Variants in ELOVL6 observed in about 807,000 individuals in gnomAD.
ELOVL6 encodes ELOVL fatty acid elongase 6.
Under a neutral mutation model 31.7 loss-of-function variants are expected in ELOVL6, and 8 were observed. That is an observed-to-expected ratio of 0.25 (90% CI 0.15 to 0.45). The LOEUF (loss-of-function observed/expected upper bound fraction) is 0.45, where lower values mean the gene tolerates loss of function less well. Ranked by LOEUF, ELOVL6 falls within the 20% of genes least tolerant of loss-of-function variation. The pLI, the probability that ELOVL6 is intolerant of heterozygous loss-of-function variation, is 1.00. For missense variants in ELOVL6, 126 were observed against 326.4 expected (o/e 0.39, Z 4.73); for synonymous variants, 101 against 117.7 (o/e 0.86, Z 0.92).
At chr4:110,112,366 G>A (rs1260259764) in intron 1 of ELOVL6, among the ~76,000 whole-genome samples, 2 of 152,170 alleles carry the variant, frequency 1.3e-5, no homozygotes, top group African/African-American at 4.8e-5. Context: ...AAACCGCTAG[G>A]CTAATCACAG....
In ELOVL6 at chr4:110,198,342, T is replaced by C; in HGVS notation, c.-7A>G. 2 of 1,566,046 alleles carry C rather than the reference T, an allele frequency of 1.3e-6. No individual in the cohort carries two copies. Among genetic ancestry groups the C allele is most frequent in the Non-Finnish European group, 1.8e-6 (2 of 1,137,398 alleles). On this transcript the variant is annotated 5_prime_UTR_variant, in exon 1 of 4. Transcript: ENST00000302274. Reference sequence around the variant, plus strand: ...TCAACACTGACATGTTCATTGGGGCTGATCTTCGGAGTCGCTACGTGTTCT... The same window carrying C: ...TCAACACTGACATGTTCATTGGGGCCGATCTTCGGAGTCGCTACGTGTTCT...
intron 1 of ELOVL6, among the ~76,000 whole-genome samples, chr4:110,112,597 G>A (rs907691009): frequency 6.6e-6 from 1 of 152,184 alleles, no homozygotes; most frequent in African/African-American, 2.4e-5. Context: ...TCCGGGCTGA[G>A]TGTGGTGGCT....
intron 1 of ELOVL6, among the ~76,000 whole-genome samples, chr4:110,162,241 C>A (rs1476982533): frequency 2.6e-5 from 4 of 152,092 alleles, no homozygotes; most frequent in African/African-American, 7.2e-5. Flanking sequence ...AACAGACAAC[C>A]AAAATTTTTT....
intron 2 of ELOVL6, among the ~76,000 whole-genome samples, chr4:110,067,626 A>G (rs548239471): frequency 1.3e-4 from 20 of 152,328 alleles, no homozygotes; most frequent in African/African-American, 4.8e-4. Context: ...TACAATGAAC[A>G]CAATACAGCC....
Position 110,093,234 on chromosome 4 carries a change from T to G in ELOVL6, c.221+12263A>C, listed in dbSNP as rs188176582. On this transcript the variant is annotated intron_variant, in intron 2 of 3. Coordinates refer to ENST00000302274, the MANE Select transcript of ELOVL6 (RefSeq NM_024090.3). ...AAATTATGATAAAAGAATCTCAAGT[T>G]TAACATTAAATTATGAGGCACCAAA... 70 of 302,584 alleles carry G rather than the reference T, an allele frequency of 2.3e-4. 1 individual carries two copies. The East Asian group carries it at 5.7e-3, about 25-fold the overall frequency. The allele number at this position is 302,584 out of a possible 1,614,324, so 18.7% of individuals were successfully genotyped here. A position where few individuals can be genotyped will look rare whatever the true frequency, so the allele number is the denominator to read the frequency against.
chr4:110,186,969 AATTC>A (rs1156757742), intron 1 of ELOVL6, among the ~76,000 whole-genome samples: 2 of 149,232 alleles, frequency 1.3e-5, no homozygotes, highest in East Asian at 1.9e-4. Flanking sequence ...CGTGATTTCA[AATTC>A]ATTATGTATT....
At chr4:110,186,819 A>G (rs1578288930) in intron 1 of ELOVL6, among the ~76,000 whole-genome samples, 1 of 106,836 alleles carries the variant, frequency 9.4e-6, no homozygotes, top group African/African-American at 3.5e-5. Flanking sequence ...AAAAAAAAAA[A>G]AAAATATATA....
intron 2 of ELOVL6, among the ~76,000 whole-genome samples, chr4:110,064,271 T>C (rs183442445): frequency 6.6e-6 from 1 of 152,182 alleles, no homozygotes. Flanking sequence ...CCTGATTAGC[T>C]AAGGTGCTTT....
intron 2 of ELOVL6, among the ~76,000 whole-genome samples, chr4:110,084,551 C>CAGATATATATTTATATATATAT (rs1163599448): frequency 3.1e-4 from 20 of 64,696 alleles, no homozygotes; most frequent in East Asian, 1.1e-3. Context: ...CACACACACA[C>CAGATATATATTTATATATATAT]ACACACACAC....
intron 2 of ELOVL6, among the ~76,000 whole-genome samples, chr4:110,076,723 T>A (rs777543115): frequency 1.3e-4 from 19 of 151,522 alleles, no homozygotes; most frequent in Admixed American, 3.3e-4. Flanking sequence ...CACTGGGGAG[T>A]GTTGGAAAGT....
intron 2 of ELOVL6, among the ~76,000 whole-genome samples, chr4:110,094,445 T>TATATATAAAAA (rs1560820753): frequency 1.7e-4 from 8 of 47,408 alleles, no homozygotes; most frequent in African/African-American, 2.8e-4. Flanking sequence ...ATATATATAA[T>TATATATAAAAA]ATATATAACA....
chr4:110,078,197 T>A (rs530653238), intron 2 of ELOVL6, among the ~76,000 whole-genome samples: 4 of 152,272 alleles, frequency 2.6e-5, no homozygotes, highest in African/African-American at 4.8e-5. Context: ...TTCCCAAATC[T>A]AGCAAGGCAG....
intron 2 of ELOVL6, among the ~76,000 whole-genome samples, chr4:110,095,526 T>C (rs1183916660): frequency 2.0e-5 from 3 of 150,176 alleles, no homozygotes; most frequent in African/African-American, 7.4e-5. Flanking sequence ...GGGCAAGGTG[T>C]GTCTGTTTTG....
chr4:110,143,318 C>T (rs1016192902), intron 1 of ELOVL6, among the ~76,000 whole-genome samples: 1 of 151,476 alleles, frequency 6.6e-6, no homozygotes, highest in Non-Finnish European at 1.5e-5. Flanking sequence ...TAAAAAAAAT[C>T]GTTTGAGATA....
intron 1 of ELOVL6, among the ~76,000 whole-genome samples, chr4:110,131,014 T>C (rs1475018692): frequency 1.3e-5 from 2 of 152,244 alleles, no homozygotes; most frequent in Non-Finnish European, 2.9e-5. Context: ...TGCACTAGTT[T>C]ATTTGAATAT....
intron 2 of ELOVL6, among the ~76,000 whole-genome samples, chr4:110,104,521 T>G (rs1756833477): frequency 6.6e-6 from 1 of 152,176 alleles, no homozygotes; most frequent in South Asian, 2.1e-4. Flanking sequence ...TTAATAAGCT[T>G]TAAGTAACTA....
intron 2 of ELOVL6, among the ~76,000 whole-genome samples, chr4:110,084,428 T>TATATCATATATGATATATCGC (rs1756139622): frequency 9.3e-6 from 1 of 107,526 alleles, no homozygotes; most frequent in Non-Finnish European, 1.8e-5. Context: ...ATATATCACA[T>TATATCATATATGATATATCGC]ATATCATATA....
intron 2 of ELOVL6, among the ~76,000 whole-genome samples, chr4:110,084,355 T>TATG (rs1756110435): frequency 2.6e-5 from 3 of 117,058 alleles, no homozygotes; most frequent in African/African-American, 9.6e-5. Flanking sequence ...ATATATGATA[T>TATG]ATACCGCATA....
At chr4:110,118,653 C>G in intron 1 of ELOVL6, among the ~76,000 whole-genome samples, 1 of 152,114 alleles carries the variant, frequency 6.6e-6, no homozygotes, top group East Asian at 1.9e-4. Context: ...TTTACGGGCA[C>G]CTAGGTTGAT....
Sources: allele counts gnomAD v4.1 joint callset (sites outside exome capture counted in the v4.1 genomes callset), GRCh38; gene constraint gnomAD v4.1.1; transcripts MANE v1.5; gene names NCBI Gene and HGNC (gene_info 2026-07-23, HGNC 2026-07-21).